Variants in MCPH1 observed in about 807,000 individuals in gnomAD.
The protein encoded by MCPH1 is microcephalin 1.
Under a neutral mutation model 84.5 loss-of-function variants are expected in MCPH1, and 104 were observed. That is an observed-to-expected ratio of 1.23 (90% confidence interval 1.05 to 1.45). The LOEUF (loss-of-function observed/expected upper bound fraction) is 1.45, where lower values mean the gene tolerates loss of function less well. MCPH1 is among the 40% of genes most tolerant of loss of function. The pLI is 0.00. For missense variants in MCPH1, 1,498 were observed against 1,005.7 expected, an observed-to-expected ratio of 1.49 and a Z score of -6.62; for synonymous variants, 514 against 366.8, an observed-to-expected ratio of 1.40 and a Z score of -4.58.
intron 7 of MCPH1, among the ~76,000 whole-genome samples, chr8:6,443,642 A>G (rs1803836012): frequency 1.3e-5 from 2 of 152,204 alleles, no homozygotes; most frequent in Non-Finnish European, 2.9e-5. Flanking sequence ...TGCCCACGTA[A>G]CCATGGGGCA....
chr8:6,562,969 C>G (rs3739390), intron 12 of MCPH1: 94,870 of 1,550,278 alleles, frequency 0.061, 3,146 homozygotes, highest in East Asian at 0.11. Flanking sequence ...GCTTAGCAAA[C>G]TTGAGGGCAA....
intron 12 of MCPH1, among the ~76,000 whole-genome samples, chr8:6,574,451 C>T (rs1178132456): frequency 1.3e-5 from 2 of 152,232 alleles, no homozygotes; most frequent in Non-Finnish European, 2.9e-5. Flanking sequence ...AGTGACGCTA[C>T]TTCCAAATAA....
intron 4 of MCPH1, 114 bp downstream of exon 4, chr8:6,431,700 C>A: frequency 1.4e-6 from 1 of 697,240 alleles, no homozygotes. Context: ...CTTAAATATG[C>A]TATTGATGAT....
chr8:6,562,291 C>A lies in MCPH1; in HGVS notation c.2215-59163C>A, dbSNP rs557796300. On this transcript the variant is annotated intron_variant, in intron 12 of 13. Coordinates refer to ENST00000344683, the MANE Select transcript of MCPH1 (RefSeq NM_024596.5). ...TGCCTGCAACCAGCTGAGAGCCTCC[C>A]TGGTGATGGGTGTTACTGAGCTTAA... 5.9e-5 allele frequency among the ~76,000 whole-genome samples: 9 copies of A among 152,240 alleles called. No individual in the cohort carries two copies. In the South Asian group the frequency reaches 1.9e-3, roughly 32 times the overall value.
At chr8:6,503,114 G>A (rs1320835888) in intron 12 of MCPH1, 2 of 1,614,032 alleles carry the variant, frequency 1.2e-6, no homozygotes, top group Admixed American at 1.7e-5. Flanking sequence ...GAAATCTGCT[G>A]GTCGGATCAT....
At position 6,519,866 on chromosome 8, in the gene MCPH1, T is replaced by G. The variant is rs1320795925; in HGVS notation, c.2214+19937T>G. On this transcript the variant is annotated intron_variant, in intron 12 of 13. Coordinates refer to ENST00000344683, the MANE Select transcript of MCPH1 (RefSeq NM_024596.5). ...GTAAGGGGAGACGAATACCTCACCT[T>G]GATCTCTTCTGTAGAATTAGGGAAT... The G allele has an allele frequency of 1.9e-6, 3 of 1,613,740 alleles. No homozygotes were observed. The highest frequency in any genetic ancestry group is 1.3e-5 in the African/African-American group (1 of 74,932).
chr8:6,481,986 T>C (rs1809305442), intron 11 of MCPH1, among the ~76,000 whole-genome samples: 2 of 152,332 alleles, frequency 1.3e-5, no homozygotes, highest in South Asian at 2.1e-4. Flanking sequence ...AATCTCAGGT[T>C]ATCTGGCTCC....
intron 12 of MCPH1, chr8:6,509,042 G>A (rs1344189906): frequency 1.9e-6 from 3 of 1,613,942 alleles, no homozygotes; most frequent in Admixed American, 1.7e-5. Context: ...GGCTGTCCCT[G>A]TAAGTCCTTT....
chr8:6,471,448 A>C (rs1807702757), intron 9 of MCPH1, among the ~76,000 whole-genome samples: 1 of 152,236 alleles, frequency 6.6e-6, no homozygotes, highest in Non-Finnish European at 1.5e-5. Context: ...AGGCAGGGAT[A>C]ATAAGATACC....
Position 6,445,162 on chromosome 8 carries a change from C to T in MCPH1, c.1440C>T (p.Thr480=), listed in dbSNP as rs749070717. 13 of 1,614,196 alleles carry T rather than the reference C, an allele frequency of 8.1e-6. No homozygotes were observed. The highest frequency in any genetic ancestry group is 1.0e-5 in the Non-Finnish European group (12 of 1,180,032). ...ACATTACCAATTTCACAGCAAAAAC[C>T]ATCTCCAGTCCTCGGAAAACTGGAA... ...TVDITNFTAK[T]ISSPRKTGNG... is the part of the protein sequence containing the mutation. Residue 480 remains threonine, a synonymous_variant, in exon 8 of 14, where the codon ACC becomes ACT. Transcript: ENST00000344683.
chr8:6,515,543 A>T (rs1816095000), intron 12 of MCPH1, among the ~76,000 whole-genome samples: 1 of 152,206 alleles, frequency 6.6e-6, no homozygotes, highest in Admixed American at 6.5e-5. Flanking sequence ...TGTCCAGAAC[A>T]CAGAATTCTT....
chr8:6,498,918 G>A (rs907995612), intron 11 of MCPH1, among the ~76,000 whole-genome samples: 2 of 151,964 alleles, frequency 1.3e-5, no homozygotes, highest in Non-Finnish European at 2.9e-5. Context: ...CAGGTGTGGT[G>A]GTGGGCGCCT....
intron 9 of MCPH1, among the ~76,000 whole-genome samples, chr8:6,475,610 G>A (rs183499191): frequency 1.4e-4 from 21 of 152,298 alleles, no homozygotes; most frequent in Non-Finnish European, 2.6e-4. Flanking sequence ...GAGGGAGGGC[G>A]CCATGAGTCG....
At position 6,621,648 on chromosome 8, in the gene MCPH1, G is replaced by A. The variant is rs373036275; in HGVS notation, c.2409G>A (p.Lys803=). 18 of 1,614,138 alleles carry A rather than the reference G, an allele frequency of 1.1e-5. No homozygotes were observed. The African/African-American group carries it at 1.7e-4, about 16-fold the overall frequency. The part of the protein sequence containing the change: ...ASIVIGPYSG[K]KKATVKYLSE... ...TCGTCATCGGGCCCTACAGCGGAAA[G>A]AAGAAAGCCACAGTCAAGTATCTGT... The change falls in exon 13 of 14, where the codon AAG becomes AAA. Residue 803 remains lysine, a synonymous_variant. Transcript: ENST00000344683.
chr8:6,562,520 G>A lies in MCPH1; in HGVS notation c.2215-58934G>A, dbSNP rs374228373. ...TTTCATTTGAGGGTACCAGCAACCCGCTCTCCAGCTCTAATCCTCTTCATC... is the reference window on the plus strand; with the variant it reads ...TTTCATTTGAGGGTACCAGCAACCCACTCTCCAGCTCTAATCCTCTTCATC... On this transcript the variant is annotated intron_variant, in intron 12 of 13. Transcript: ENST00000344683. The A allele has an allele frequency of 4.3e-5, 34 of 791,694 alleles. No individual in the cohort carries two copies. The African/African-American group carries it at 6.1e-4, about 14-fold the overall frequency. The allele number at this position is 791,694 out of a possible 1,614,324, so 49.0% of individuals were successfully genotyped here.
chr8:6,556,610 T>C (rs1008979637), intron 12 of MCPH1, among the ~76,000 whole-genome samples: 8 of 144,736 alleles, frequency 5.5e-5, no homozygotes, highest in African/African-American at 2.3e-4. Flanking sequence ...TTGGGAATTG[T>C]CTTTTTTTAT....
intron 12 of MCPH1, among the ~76,000 whole-genome samples, chr8:6,550,695 A>T (rs2442591): frequency 0.82 from 125,452 of 152,216 alleles, 52,630 homozygotes; most frequent in East Asian, 0.94. Context: ...AATCTGTTTT[A>T]TTGTAAGAGG....
chr8:6,435,052 A>G (rs1298028146), intron 4 of MCPH1, among the ~76,000 whole-genome samples: 1 of 152,162 alleles, frequency 6.6e-6, no homozygotes, highest in Non-Finnish European at 1.5e-5. Context: ...TTAAGAGTAG[A>G]GTTAACCCAA....
chr8:6,445,882 A>T, intron 8 of MCPH1: 1 of 1,055,284 alleles, frequency 9.5e-7, no homozygotes, highest in Non-Finnish European at 1.1e-6. Flanking sequence ...TTGGCGCTGC[A>T]GCGTGTGTAA....
Sources: allele counts gnomAD v4.1 joint callset (sites outside exome capture counted in the v4.1 genomes callset), GRCh38; gene constraint gnomAD v4.1.1; transcripts MANE v1.5; gene names NCBI Gene and HGNC (gene_info 2026-07-23, HGNC 2026-07-21).